Variants in MAGI2 observed in about 807,000 individuals in gnomAD.
MAGI2 encodes the protein membrane associated guanylate kinase, WW and PDZ domain containing 2, also known as membrane-associated guanylate kinase, WW and PDZ domain-containing protein 2.
MAGI2 carries 35 observed loss-of-function variants against 133.3 expected under a neutral mutation model. The ratio of observed to expected loss-of-function variants is 0.26; its 90% CI spans 0.20 to 0.35. MAGI2 has a LOEUF of 0.35. Ranked by LOEUF, MAGI2 falls within the 10% of genes least tolerant of loss-of-function variation. The pLI is 1.00. For synonymous variants in MAGI2, 729 were observed against 710.6 expected (o/e 1.03, Z -0.41); for missense variants, 1,636 against 1,863.4 (o/e 0.88, Z 2.25).
intron 2 of MAGI2, among the ~76,000 whole-genome samples, chr7:78,858,938 A>G (rs1241644012): frequency 6.6e-6 from 1 of 152,134 alleles, no homozygotes; most frequent in Non-Finnish European, 1.5e-5. Flanking sequence ...GGGTGCATAT[A>G]TATTTAGGAT....
At chr7:78,574,774 C>T (rs549101428) in intron 3 of MAGI2, among the ~76,000 whole-genome samples, 1 of 152,256 alleles carries the variant, frequency 6.6e-6, no homozygotes, top group East Asian at 1.9e-4. Context: ...TGTTATGAGA[C>T]ACGTTGATTA....
At chr7:78,307,416 A>G (rs1798331241) in intron 9 of MAGI2, among the ~76,000 whole-genome samples, 2 of 152,192 alleles carry the variant, frequency 1.3e-5, no homozygotes, top group African/African-American at 4.8e-5. Flanking sequence ...AGGTAGTGAT[A>G]GTGTGGCTTA....
chr7:78,407,521 G>A (rs2151367919), intron 6 of MAGI2, among the ~76,000 whole-genome samples: 1 of 151,878 alleles, frequency 6.6e-6, no homozygotes, highest in Non-Finnish European at 1.5e-5. Flanking sequence ...TGAGGCTAAT[G>A]GACTCAAAAA....
intron 6 of MAGI2, among the ~76,000 whole-genome samples, chr7:78,478,315 A>C (rs1791995035): frequency 6.6e-6 from 1 of 151,934 alleles, no homozygotes; most frequent in Non-Finnish European, 1.5e-5. Flanking sequence ...GTTTCCCTTA[A>C]CATGTTTTTA....
At chr7:78,410,933 C>T (rs73701468) in intron 6 of MAGI2, among the ~76,000 whole-genome samples, 2,494 of 152,010 alleles carry the variant, frequency 0.016, 67 homozygotes, top group African/African-American at 0.057. Flanking sequence ...TTGTCATTAG[C>T]ATATTGGGAT....
chr7:78,147,615 C>T (rs927366266), intron 16 of MAGI2, among the ~76,000 whole-genome samples: 9 of 151,726 alleles, frequency 5.9e-5, no homozygotes, highest in African/African-American at 2.2e-4. Flanking sequence ...TAATGAAATG[C>T]CAATTATACT....
chr7:79,002,759 C>A (rs1807007490), intron 2 of MAGI2, among the ~76,000 whole-genome samples: 2 of 151,744 alleles, frequency 1.3e-5, no homozygotes, highest in African/African-American at 4.8e-5. Context: ...TGTTACAGAA[C>A]TCAATATATA....
chr7:79,397,319 T>C (rs984844145), intron 1 of MAGI2, among the ~76,000 whole-genome samples: 1 of 151,806 alleles, frequency 6.6e-6, no homozygotes, highest in African/African-American at 2.4e-5. Context: ...GCAACACTTT[T>C]TCATGTCATT....
At chr7:78,843,158 A>G (rs1040084535) in intron 2 of MAGI2, among the ~76,000 whole-genome samples, 3 of 151,846 alleles carry the variant, frequency 2.0e-5, no homozygotes, top group Non-Finnish European at 4.4e-5. Flanking sequence ...TATCCACCAG[A>G]TATTGTTTGC....
intron 1 of MAGI2, among the ~76,000 whole-genome samples, chr7:79,108,005 T>C (rs989418166): frequency 2.6e-5 from 4 of 152,198 alleles, no homozygotes; most frequent in Non-Finnish European, 5.9e-5. Context: ...GATTTAATGA[T>C]AGAATTTTAT....
chr7:78,881,317 T>G (rs944144747), intron 2 of MAGI2, among the ~76,000 whole-genome samples: 2 of 151,668 alleles, frequency 1.3e-5, no homozygotes, highest in African/African-American at 4.8e-5. Flanking sequence ...ACCATATGTT[T>G]GACCATAAAG....
chr7:78,159,658 T>C (rs1029517), intron 16 of MAGI2: 15,701 of 159,494 alleles, frequency 0.098, 840 homozygotes, highest in East Asian at 0.17. Context: ...TGTTGAACAG[T>C]TCTCAATCAA....
intron 2 of MAGI2, among the ~76,000 whole-genome samples, chr7:78,838,075 TG>T (rs953243360): frequency 1.3e-4 from 20 of 152,148 alleles, no homozygotes; most frequent in African/African-American, 4.8e-4. Flanking sequence ...CACTTTTTTC[TG>T]AAAACTGCTC....
intron 9 of MAGI2, among the ~76,000 whole-genome samples, chr7:78,327,658 A>T (rs17150527): frequency 0.11 from 17,418 of 152,166 alleles, 1,116 homozygotes; most frequent in South Asian, 0.2. Context: ...TCCTGGAGTC[A>T]ATTCTATGAA....
intron 3 of MAGI2, among the ~76,000 whole-genome samples, chr7:78,571,230 A>G (rs934916290): frequency 4.6e-5 from 7 of 152,208 alleles, no homozygotes; most frequent in African/African-American, 1.7e-4. Flanking sequence ...TTTGAGAAAG[A>G]GAGAATAATC....
chr7:78,707,370 G>C (rs1206962716), intron 2 of MAGI2, among the ~76,000 whole-genome samples: 1 of 152,052 alleles, frequency 6.6e-6, no homozygotes, highest in African/African-American at 2.4e-5. Flanking sequence ...CCTGAAAGGT[G>C]AATCTGTGAC....
intron 2 of MAGI2, among the ~76,000 whole-genome samples, chr7:78,638,965 A>G (rs1412271933): frequency 6.6e-6 from 1 of 152,204 alleles, no homozygotes; most frequent in South Asian, 2.1e-4. Context: ...GAAACAATAT[A>G]TATTTAGTTT....
chr7:78,810,409 A>G lies in MAGI2; in HGVS notation c.419-183170T>C, dbSNP rs187550657. ...TACAATTACAACAAATTCACTTGCC[A>G]AAGTATAATCTTATAAAGACTTGCT... is the stretch of plus-strand genomic sequence containing the variant. On this transcript the variant is annotated intron_variant, in intron 2 of 21. Coordinates refer to ENST00000354212, the MANE Select transcript of MAGI2 (RefSeq NM_012301.4). Among the ~76,000 whole-genome samples the G allele has an allele frequency of 5.8e-4, 89 of 152,288 alleles. 3 individuals are homozygous for G. Among genetic ancestry groups the G allele is most frequent in the East Asian group, 5.8e-4 (3 of 5,188 alleles).
chr7:78,281,421 G>T (rs1795561582), intron 9 of MAGI2, among the ~76,000 whole-genome samples: 1 of 151,856 alleles, frequency 6.6e-6, no homozygotes, highest in East Asian at 1.9e-4. Flanking sequence ...GGTTTCATAA[G>T]GGACTCTTCC....
Sources: allele counts gnomAD v4.1 joint callset (sites outside exome capture counted in the v4.1 genomes callset), GRCh38; gene constraint gnomAD v4.1.1; transcripts MANE v1.5; gene names NCBI Gene and HGNC (gene_info 2026-07-23, HGNC 2026-07-21).